The following TNIP3 variants were observed in gnomAD, a reference collection of about 807,000 sequenced individuals.
TNIP3 encodes TNFAIP3 interacting protein 3, also known as TNFAIP3-interacting protein 3.
Under a neutral mutation model 54.1 loss-of-function variants are expected in TNIP3, and 34 were observed. The ratio of observed to expected loss-of-function variants is 0.63; its 90% CI spans 0.48 to 0.84. The LOEUF (loss-of-function observed/expected upper bound fraction) is 0.84. Among genes scored for constraint, TNIP3 ranks in the 40% least tolerant of loss-of-function variants. TNIP3 has a pLI of 0.00. For missense variants in TNIP3, 366 were observed against 387.6 expected, an observed-to-expected ratio of 0.94 and a Z score of 0.47; for synonymous variants, 134 against 136.8, an observed-to-expected ratio of 0.98 and a Z score of 0.14.
chr4:121,142,942 G>C (rs1049422370), intron 7 of TNIP3, among the ~76,000 whole-genome samples, 166 bp from the exon 8 acceptor site: 2 of 152,146 alleles, frequency 1.3e-5, no homozygotes, highest in Admixed American at 1.3e-4. Flanking sequence ...ATTTCCAGTT[G>C]CAGTTTGAAA....
chr4:121,150,348 C>A, intron 5 of TNIP3, 129 bp from the exon 6 acceptor site: 2 of 493,362 alleles, frequency 4.1e-6, no homozygotes, highest in Admixed American at 3.8e-5. Context: ...CTTACATAAC[C>A]AAGTAACTTT....
upstream of TNIP3, among the ~76,000 whole-genome samples, chr4:121,168,664 A>C (rs113466430): frequency 0.031 from 4,689 of 152,000 alleles, 102 homozygotes; most frequent in Admixed American, 0.038. Flanking sequence ...ACAGGTGTGT[A>C]CAACCACATC....
At chr4:121,168,408 C>T (rs1730883081), upstream of TNIP3, among the ~76,000 whole-genome samples, 1 of 152,022 alleles carries the variant, frequency 6.6e-6, no homozygotes, top group Non-Finnish European at 1.5e-5. Flanking sequence ...ACCATATTGG[C>T]CAGGCTGTTC....
chr4:121,217,665 G>T (rs35449703), upstream of TNIP3, among the ~76,000 whole-genome samples: 35,295 of 152,098 alleles, frequency 0.23, 4,523 homozygotes, highest in African/African-American at 0.33. Context: ...ACACAATTCT[G>T]CAAATATGTT....
intron 9 of TNIP3, among the ~76,000 whole-genome samples, chr4:121,139,471 T>C (rs542659748): frequency 2.6e-5 from 4 of 152,354 alleles, no homozygotes; most frequent in Non-Finnish European, 5.9e-5. Context: ...TCTGTCTTTC[T>C]GCTCTGAATG....
chr4:121,197,459 G>A lies in TNIP3; in HGVS notation c.69-14663C>T, dbSNP rs564587492. On this transcript the variant is annotated intron_variant, in intron 2 of 12. Transcript: ENST00000507879. ...AGGGGAATCGCTTGAGCTTGGTGGCGGAGTAGAGATTGCAGTAAGCCGAGA... is the reference window on the plus strand; with the variant it reads ...AGGGGAATCGCTTGAGCTTGGTGGCAGAGTAGAGATTGCAGTAAGCCGAGA... Among the ~76,000 whole-genome samples the A allele has an allele frequency of 2.1e-4, 32 of 151,048 alleles. No homozygotes were observed. The South Asian group carries it at 4.8e-3, about 23-fold the overall frequency.
chr4:121,182,621 TGAATAAACTGCTGA>T, intron 3 of TNIP3: 1 of 1,521,476 alleles, frequency 6.6e-7, no homozygotes, highest in Non-Finnish European at 8.8e-7. Context: ...TTCTTCTTGA[TGAATAAACTGCTGA>T]AGGGTACATC....
intron 8 of TNIP3, 78 bp downstream of exon 8, chr4:121,142,648 T>C (rs1729190085): frequency 7.5e-7 from 1 of 1,337,256 alleles, no homozygotes; most frequent in Non-Finnish European, 1.1e-6. Flanking sequence ...TAGCAGAGCT[T>C]GAACATGTCT....
chr4:121,214,038 T>TG (rs749661453), intron 2 of TNIP3, among the ~76,000 whole-genome samples: 3 of 152,194 alleles, frequency 2.0e-5, no homozygotes, highest in Non-Finnish European at 4.4e-5. Context: ...GTGGCAACCA[T>TG]AATATCAATA....
chr4:121,169,483 A>T (rs765447924), intron 3 of TNIP3, among the ~76,000 whole-genome samples: 2 of 151,544 alleles, frequency 1.3e-5, no homozygotes, highest in Non-Finnish European at 2.9e-5. Flanking sequence ...CTTTTTGTTG[A>T]TTGCCTCCCG....
intron 2 of TNIP3, among the ~76,000 whole-genome samples, chr4:121,197,514 AG>A: frequency 6.7e-6 from 1 of 148,790 alleles, no homozygotes; most frequent in East Asian, 2.0e-4. Context: ...CCTGGGTGAC[AG>A]AGCGAGACTC....
chr4:121,193,003 G>A (rs947701046), intron 2 of TNIP3: 1 of 152,044 alleles, frequency 6.6e-6, no homozygotes, highest in African/African-American at 2.4e-5. Context: ...TATATGCTCT[G>A]TAGAAGCTTT....
Position 121,132,471 on chromosome 4 carries a change from C to A in TNIP3, c.*160G>T, listed in dbSNP as rs993053488. The A allele has an allele frequency of 3.3e-6, 2 of 600,176 alleles. No homozygotes were observed. Among genetic ancestry groups the A allele is most frequent in the African/African-American group, 1.9e-5 (1 of 52,904 alleles). 37.2% of individuals were successfully genotyped at this position (600,176 alleles called of 1,614,324 possible). A position where few individuals can be genotyped will look rare whatever the true frequency, so the allele number is the denominator to read the frequency against. On this transcript the variant is annotated 3_prime_UTR_variant, in exon 11 of 11. Transcript: ENST00000057513. ...TGATCAGGATCTTAGCTGTCAGAAGCCTTTTCCTGTATTCATACCAAAGGA... is the reference window on the plus strand; with the variant it reads ...TGATCAGGATCTTAGCTGTCAGAAGACTTTTCCTGTATTCATACCAAAGGA...
At chr4:121,202,163 T>C (rs935363535) in intron 2 of TNIP3, among the ~76,000 whole-genome samples, 3 of 152,078 alleles carry the variant, frequency 2.0e-5, no homozygotes, top group African/African-American at 7.2e-5. Context: ...CAAACTACAC[T>C]ATAAGGCCAT....
intron 7 of TNIP3, among the ~76,000 whole-genome samples, chr4:121,143,770 T>C (rs537485599): frequency 6.6e-6 from 1 of 152,370 alleles, no homozygotes; most frequent in African/African-American, 2.4e-5. Context: ...TTAATATGTA[T>C]TGTTGATTAA....
upstream of TNIP3, among the ~76,000 whole-genome samples, chr4:121,167,181 TC>T (rs547354617): frequency 3.1e-3 from 475 of 152,172 alleles, 1 homozygote; most frequent in African/African-American, 0.011. Context: ...TTGTGTGGGT[TC>T]CAAAGGAAAA....
chr4:121,226,192 GAC>G (rs1727248553), intron 1 of TNIP3, among the ~76,000 whole-genome samples: 1 of 151,816 alleles, frequency 6.6e-6, no homozygotes, highest in African/African-American at 2.4e-5. Context: ...GGGGGACAGA[GAC>G]AGAGAGTGAC....
At chr4:121,199,492 C>T (rs909578840) in intron 2 of TNIP3, among the ~76,000 whole-genome samples, 1 of 152,094 alleles carries the variant, frequency 6.6e-6, no homozygotes. Flanking sequence ...TGGTTATGAG[C>T]AGGGATCGAT....
At chr4:121,188,245 G>T (rs1725123311) in intron 2 of TNIP3, among the ~76,000 whole-genome samples, 1 of 151,616 alleles carries the variant, frequency 6.6e-6, no homozygotes, top group Non-Finnish European at 1.5e-5. Context: ...AAATAGAAAT[G>T]ATATTAATAT....
Sources: allele counts gnomAD v4.1 joint callset (sites outside exome capture counted in the v4.1 genomes callset), GRCh38; gene constraint gnomAD v4.1.1; transcripts MANE v1.5; gene names NCBI Gene and HGNC (gene_info 2026-07-23, HGNC 2026-07-21).